NELL1: variants seen among roughly 807,000 people sequenced by gnomAD.
NELL1 encodes the protein neural EGFL like 1.
A neutral mutation model predicts 107.4 loss-of-function variants in NELL1; 76 were observed. That is an observed-to-expected ratio of 0.71 (90% CI 0.59 to 0.86). The LOEUF is 0.86. Among genes scored for constraint, NELL1 ranks in the 40% least tolerant of loss-of-function variants. NELL1 has a pLI of 0.00. For missense variants in NELL1, 1,024 were observed against 1,005.5 expected (o/e 1.02, Z -0.25); for synonymous variants, 353 against 341.2 (o/e 1.03, Z -0.38).
Position 21,575,124 on chromosome 11 carries a change from T to G in NELL1, c.*102T>G. 9.1e-7 allele frequency: 1 copy of G among 1,093,832 alleles called. No individual in the cohort carries two copies. Among genetic ancestry groups the G allele is most frequent in the Non-Finnish European group, 1.4e-6 (1 of 725,906 alleles). 67.8% of individuals were successfully genotyped at this position (1,093,832 alleles called of 1,614,324 possible). A position where few individuals can be genotyped will look rare whatever the true frequency, so the allele number is the denominator to read the frequency against. On this transcript the variant is annotated 3_prime_UTR_variant, in exon 20 of 20. Transcript: ENST00000357134. ...TTGGTTTTTTTGTTTGTTTTGTTTTTTTAACCACAGATAATTGCCAAAGTT... is the reference window on the plus strand; with the variant it reads ...TTGGTTTTTTTGTTTGTTTTGTTTTGTTAACCACAGATAATTGCCAAAGTT...
intron 13 of NELL1, among the ~76,000 whole-genome samples, chr11:21,181,958 G>T (rs988692435): frequency 2.6e-5 from 4 of 151,766 alleles, no homozygotes; most frequent in Non-Finnish European, 5.9e-5. Context: ...TACATATATT[G>T]ACTTATTTAA....
At chr11:21,032,532 G>A (rs558787355) in intron 12 of NELL1, among the ~76,000 whole-genome samples, 5 of 152,068 alleles carry the variant, frequency 3.3e-5, no homozygotes, top group Non-Finnish European at 5.9e-5. Flanking sequence ...GGGATTACAG[G>A]TGCCTGGCAC....
intron 14 of NELL1, chr11:21,284,850 T>A: frequency 1.3e-5 from 4 of 303,168 alleles, no homozygotes; most frequent in South Asian, 1.3e-4. Context: ...CTTGGCATCC[T>A]TGGACAACAA....
chr11:21,507,853 T>G (rs1855326507), intron 15 of NELL1, among the ~76,000 whole-genome samples: 1 of 151,652 alleles, frequency 6.6e-6, no homozygotes, highest in South Asian at 2.1e-4. Context: ...TGATCTCAGC[T>G]CAGTGCAACC....
rs12799987 is a variant in NELL1 at position 21,309,312 on chromosome 11, A to T, written c.1550-61541A>T. Among the ~76,000 whole-genome samples the T allele has an allele frequency of 8.1e-3, 1,049 of 129,966 alleles. 3 individuals are homozygous for T. Among genetic ancestry groups the T allele is most frequent in the Non-Finnish European group, 0.012 (768 of 63,632 alleles). 85.3% of individuals were successfully genotyped at this position (129,966 alleles called of 152,430 possible). A position where few individuals can be genotyped will look rare whatever the true frequency, so the allele number is the denominator to read the frequency against. Reference sequence around the variant, plus strand: ...TATATATATATATGTATATATATATAATATATATATATATTTCCTGAATAT... The same window carrying T: ...TATATATATATATGTATATATATATTATATATATATATATTTCCTGAATAT... On this transcript the variant is annotated intron_variant, in intron 14 of 19. Transcript: ENST00000357134.
intron 2 of NELL1, among the ~76,000 whole-genome samples, chr11:20,695,215 G>A (rs1854583215): frequency 6.6e-6 from 1 of 152,058 alleles, no homozygotes; most frequent in East Asian, 1.9e-4. Flanking sequence ...GGGTTTTCTA[G>A]GTAGAGAATC....
intron 3 of NELL1, among the ~76,000 whole-genome samples, chr11:20,818,597 C>T (rs1857679469): frequency 6.6e-6 from 1 of 152,072 alleles, no homozygotes; most frequent in Admixed American, 6.5e-5. Flanking sequence ...AATATCATTT[C>T]TCATCTCTTA....
intron 13 of NELL1, among the ~76,000 whole-genome samples, chr11:21,165,547 A>T (rs1323798381): frequency 6.6e-6 from 1 of 152,148 alleles, no homozygotes; most frequent in South Asian, 2.1e-4. Context: ...GAGTTACTAT[A>T]TGATTCTGCA....
chr11:21,034,453 C>T (rs901452548), intron 12 of NELL1, among the ~76,000 whole-genome samples: 1 of 152,182 alleles, frequency 6.6e-6, no homozygotes, highest in African/African-American at 2.4e-5. Context: ...ACATTCTTCT[C>T]ATTGCCACAT....
intron 16 of NELL1, among the ~76,000 whole-genome samples, chr11:21,546,639 CTT>C (rs1285418716): frequency 6.6e-6 from 1 of 151,960 alleles, no homozygotes; most frequent in African/African-American, 2.4e-5. Context: ...TGCCTTTGCT[CTT>C]CCTTTGCCTT....
At chr11:20,870,218 A>G (rs948405456) in intron 4 of NELL1, among the ~76,000 whole-genome samples, 1 of 152,182 alleles carries the variant, frequency 6.6e-6, no homozygotes, top group Non-Finnish European at 1.5e-5. Flanking sequence ...CTACATCCCA[A>G]GTTCAGTGGT....
intron 2 of NELL1, among the ~76,000 whole-genome samples, chr11:20,778,718 G>T (rs1856797814): frequency 6.6e-6 from 1 of 152,040 alleles, no homozygotes; most frequent in Non-Finnish European, 1.5e-5. Flanking sequence ...CACTTTAAGT[G>T]GTTGTTGTGT....
intron 5 of NELL1, among the ~76,000 whole-genome samples, chr11:20,902,944 A>G (rs571118381): frequency 1.3e-5 from 2 of 152,212 alleles, no homozygotes; most frequent in African/African-American, 4.8e-5. Context: ...AGAAAAATGC[A>G]TAGAAGTGAT....
At chr11:21,284,448 A>C (rs576452626) in intron 14 of NELL1, 1 of 458,214 alleles carries the variant, frequency 2.2e-6, no homozygotes, top group South Asian at 1.5e-5. Flanking sequence ...GCTGTGCACA[A>C]GGTCAACATC....
At chr11:21,235,863 A>T (rs1007308245) in intron 14 of NELL1, among the ~76,000 whole-genome samples, 9 of 152,260 alleles carry the variant, frequency 5.9e-5, no homozygotes, top group African/African-American at 2.2e-4. Flanking sequence ...TAATGGAAAA[A>T]CATACAATTT....
intron 13 of NELL1, among the ~76,000 whole-genome samples, chr11:21,164,844 A>G (rs964136068): frequency 6.6e-6 from 1 of 152,124 alleles, no homozygotes; most frequent in Non-Finnish European, 1.5e-5. Flanking sequence ...ATTAAATGTA[A>G]ATACCTACAT....
chr11:21,243,401 G>A (rs1858413027), intron 14 of NELL1, among the ~76,000 whole-genome samples: 1 of 152,170 alleles, frequency 6.6e-6, no homozygotes, highest in Admixed American at 6.6e-5. Context: ...CTCCTAGACT[G>A]CTTAAAGCTA....
At chr11:20,700,815 A>G (rs1370760682) in intron 2 of NELL1, among the ~76,000 whole-genome samples, 5 of 149,462 alleles carry the variant, frequency 3.3e-5, no homozygotes, top group Admixed American at 7.0e-5. Flanking sequence ...AGTTTCATCC[A>G]TGTCCCTACA....
At chr11:21,138,540 C>G (rs1258464992) in intron 13 of NELL1, among the ~76,000 whole-genome samples, 2 of 152,136 alleles carry the variant, frequency 1.3e-5, no homozygotes, top group African/African-American at 4.8e-5. Flanking sequence ...CTCCTGAAAA[C>G]AAAGTCTGCC....
Sources: gnomAD v4.1 joint callset for allele counts (sites outside exome capture counted in the v4.1 genomes callset) on GRCh38, gnomAD v4.1.1 for gene constraint, MANE v1.5 for transcripts, NCBI Gene and HGNC (gene_info 2026-07-23, HGNC 2026-07-21) for gene names.